KCNAB1: variants seen among roughly 807,000 people sequenced by gnomAD.
KCNAB1 encodes voltage-gated potassium channel subunit beta-1.
Under a neutral mutation model 64.6 loss-of-function variants are expected in KCNAB1, and 35 were observed. The observed-to-expected ratio is 0.54, with a 90% CI of 0.41 to 0.72. The LOEUF is 0.72. Among genes scored for constraint, KCNAB1 ranks in the 30% least tolerant of loss-of-function variants. KCNAB1 has a pLI of 0.00. For missense variants in KCNAB1, 401 were observed against 512.9 expected, an observed-to-expected ratio of 0.78 and a Z score of 2.11; for synonymous variants, 177 against 183.8, an observed-to-expected ratio of 0.96 and a Z score of 0.30.
intron 1 of KCNAB1, among the ~76,000 whole-genome samples, chr3:156,360,573 G>C (rs73017903): frequency 1.3e-5 from 2 of 151,974 alleles, no homozygotes; most frequent in Admixed American, 6.6e-5. Flanking sequence ...AATTAGCTAG[G>C]CATGGTAACA....
intron 1 of KCNAB1, among the ~76,000 whole-genome samples, chr3:156,290,260 G>C (rs1720326323): frequency 6.6e-6 from 1 of 152,214 alleles, no homozygotes. Context: ...GCTCCTTGAG[G>C]AGGGGGACAG....
At chr3:156,319,793 C>T (rs1489228098) in intron 1 of KCNAB1, among the ~76,000 whole-genome samples, 1 of 152,204 alleles carries the variant, frequency 6.6e-6, no homozygotes, top group Non-Finnish European at 1.5e-5. Flanking sequence ...GTTTTGCCCT[C>T]TCTCCTTTAA....
intron 8 of KCNAB1, among the ~76,000 whole-genome samples, chr3:156,496,454 G>A (rs930146012): frequency 5.3e-5 from 8 of 152,124 alleles, no homozygotes; most frequent in Non-Finnish European, 1.0e-4. Flanking sequence ...TGTAAGACGT[G>A]CCTTCGCTCC....
intron 1 of KCNAB1, among the ~76,000 whole-genome samples, chr3:156,152,541 T>G (rs1344067350): frequency 6.6e-6 from 1 of 152,242 alleles, no homozygotes; most frequent in Non-Finnish European, 1.5e-5. Context: ...GGAACATTTT[T>G]AGACAATGGA....
chr3:156,164,258 C>T lies in KCNAB1; in HGVS notation c.275+43372C>T, dbSNP rs138421393. On this transcript the variant is annotated intron_variant, in intron 1 of 13. Coordinates refer to ENST00000490337, the MANE Select transcript of KCNAB1 (RefSeq NM_172160.3). ...GTGAATGCTTGAGAGAATAAGAGAG[C>T]ATTATACCTTTCAAAGTGCTTTTGC... 3.9e-5 allele frequency among the ~76,000 whole-genome samples: 6 copies of T among 152,212 alleles called. No individual in the cohort carries two copies. The East Asian group carries it at 1.2e-3, about 29-fold the overall frequency.
At chr3:156,187,640 A>T (rs928676269) in intron 1 of KCNAB1, among the ~76,000 whole-genome samples, 32 of 151,786 alleles carry the variant, frequency 2.1e-4, no homozygotes, top group African/African-American at 7.3e-4. Context: ...AGTCCTATTG[A>T]CTCCACTTCC....
rs532094895 is a variant in KCNAB1, at chr3:156,190,805, T to C, written c.275+69919T>C. Among the ~76,000 whole-genome samples the C allele has an allele frequency of 7.2e-5, 11 of 152,296 alleles. 1 individual carries two copies. The highest frequency in any genetic ancestry group is 2.4e-4 in the African/African-American group (10 of 41,566). ...ACCTCCTAGGTTTAAGAGATTCTCC[T>C]GCCTCAGTCTCCCAAGTAGCTGGGA... On this transcript the variant is annotated intron_variant, in intron 1 of 13. Coordinates refer to ENST00000490337, the MANE Select transcript of KCNAB1 (RefSeq NM_172160.3).
rs142840380 is a variant in KCNAB1, at chr3:156,288,062, A to G, written c.276-133554A>G. The stretch of plus-strand genomic sequence containing the variant: ...TTATTTCCTCACAATTCTGGAGGCT[A>G]GAAGTCCAAGATCAAGGTACTTGCA... On this transcript the variant is annotated intron_variant, in intron 1 of 13. Transcript: ENST00000490337. Among the ~76,000 whole-genome samples the G allele has an allele frequency of 9.8e-5, 15 of 152,358 alleles. No individual in the cohort carries two copies. In the South Asian group the frequency reaches 1.2e-3, roughly 13 times the overall value.
intron 1 of KCNAB1, among the ~76,000 whole-genome samples, chr3:156,263,249 T>C (rs1169318466): frequency 6.6e-6 from 1 of 152,014 alleles, no homozygotes; most frequent in Admixed American, 6.5e-5. Flanking sequence ...TTTGATACTT[T>C]CTGATATAGG....
chr3:156,334,938 C>T (rs1723586717), intron 1 of KCNAB1, among the ~76,000 whole-genome samples: 1 of 152,180 alleles, frequency 6.6e-6, no homozygotes, highest in Non-Finnish European at 1.5e-5. Flanking sequence ...GCCATCATTG[C>T]ACTGGTTCCC....
At chr3:156,157,451 T>A (rs1374160116) in intron 1 of KCNAB1, among the ~76,000 whole-genome samples, 1 of 152,236 alleles carries the variant, frequency 6.6e-6, no homozygotes, top group Non-Finnish European at 1.5e-5. Flanking sequence ...AAGTTATCTG[T>A]CTCATGAAAC....
At chr3:156,285,974 A>T (rs762261747) in intron 1 of KCNAB1, among the ~76,000 whole-genome samples, 1 of 152,226 alleles carries the variant, frequency 6.6e-6, no homozygotes, top group Non-Finnish European at 1.5e-5. Flanking sequence ...AAGCACACCT[A>T]TCCTTTGATT....
chr3:156,275,690 T>G (rs950417913), intron 1 of KCNAB1, among the ~76,000 whole-genome samples: 3 of 152,216 alleles, frequency 2.0e-5, no homozygotes, highest in Non-Finnish European at 4.4e-5. Context: ...AGAAACTACT[T>G]TCTTTGCTCA....
intron 1 of KCNAB1, among the ~76,000 whole-genome samples, chr3:156,274,662 T>G (rs1719236791): frequency 6.6e-6 from 1 of 152,194 alleles, no homozygotes; most frequent in African/African-American, 2.4e-5. Flanking sequence ...ACTCTACCAT[T>G]AAGTAGTTTT....
chr3:156,505,055 G>T (rs1161175745), intron 8 of KCNAB1, among the ~76,000 whole-genome samples: 7 of 151,974 alleles, frequency 4.6e-5, no homozygotes, highest in Non-Finnish European at 7.4e-5. Flanking sequence ...TTACATTTAG[G>T]TCTTTAATCC....
At chr3:156,199,874 G>T (rs1351088364) in intron 1 of KCNAB1, among the ~76,000 whole-genome samples, 2 of 152,182 alleles carry the variant, frequency 1.3e-5, no homozygotes. Context: ...GAGAGAAGTT[G>T]TGATCCTTTG....
At chr3:156,236,276 A>C (rs1716845329) in intron 1 of KCNAB1, among the ~76,000 whole-genome samples, 1 of 152,154 alleles carries the variant, frequency 6.6e-6, no homozygotes, top group Non-Finnish European at 1.5e-5. Flanking sequence ...GCTCCTGCAA[A>C]GTTGCACCTC....
intron 1 of KCNAB1, among the ~76,000 whole-genome samples, chr3:156,379,747 T>C (rs1712011155): frequency 6.6e-6 from 1 of 152,152 alleles, no homozygotes; most frequent in African/African-American, 2.4e-5. Context: ...TGATGGGATC[T>C]GATTTGTGTT....
chr3:156,302,312 T>C (rs895267369), intron 1 of KCNAB1, among the ~76,000 whole-genome samples: 1 of 152,092 alleles, frequency 6.6e-6, no homozygotes, highest in African/African-American at 2.4e-5. Context: ...CCTTTTACCA[T>C]AGAAGGTAAT....
Sources: allele counts gnomAD v4.1 joint callset (sites outside exome capture counted in the v4.1 genomes callset), GRCh38; gene constraint gnomAD v4.1.1; transcripts MANE v1.5; gene names NCBI Gene and HGNC (gene_info 2026-07-23, HGNC 2026-07-21).